Variants in GPR155 observed in about 807,000 individuals in gnomAD.
GPR155 encodes G protein-coupled receptor 155.
In GPR155, 65 loss-of-function variants were observed where a neutral mutation model predicts 93.1. The ratio of observed to expected loss-of-function variants is 0.70; its 90% CI spans 0.57 to 0.86. GPR155 has a LOEUF of 0.86. Among genes scored for constraint, GPR155 ranks in the 40% least tolerant of loss-of-function variants. GPR155 has a pLI of 0.00. For missense variants in GPR155, 838 were observed against 1,034.8 expected (o/e 0.81, Z 2.61); for synonymous variants, 319 against 360.1 (o/e 0.89, Z 1.29).
Position 174,461,649 on chromosome 2 carries a change from G to A in GPR155, c.1408C>T (p.Leu470Phe), listed in dbSNP as rs1559110322. 1.9e-6 allele frequency: 3 copies of A among 1,603,900 alleles called. No individual in the cohort carries two copies. The highest frequency in any genetic ancestry group is 2.6e-6 in the Non-Finnish European group (3 of 1,170,998). Residue 470 changes from leucine to phenylalanine, a missense_variant, in exon 8 of 16, where the codon CTT becomes TTT. This residue lies in a region of GPR155 where 663 missense variants were observed against 790.1 expected (regional missense o/e 0.84). Coordinates refer to ENST00000392552, the MANE Select transcript of GPR155 (RefSeq NM_152529.7). ...TGTACCCTCTCTCGCTTTTTCAAAA[G>A]AAACAAAGAAATTGCTAGAAGGCCT... ...WTGLLAISLF[L>F]LKKRERVQIP...
chr2:174,432,692 T>C lies in GPR155; in HGVS notation c.*3424A>G, dbSNP rs1678653524. 6.6e-6 allele frequency: 1 copy of C among 151,712 alleles called. No homozygotes were observed. Among genetic ancestry groups the C allele is most frequent in the East Asian group, 1.9e-4 (1 of 5,184 alleles). The allele number at this position is 151,712 out of a possible 1,614,324, so 9.4% of individuals were successfully genotyped here. ...CCATTCCCTAATCACAACTTAAAATTGGTATAGGTTAATAGTACACTAAAG... is the reference window on the plus strand; with the variant it reads ...CCATTCCCTAATCACAACTTAAAATCGGTATAGGTTAATAGTACACTAAAG... On this transcript the variant is annotated 3_prime_UTR_variant, in exon 16 of 16. Coordinates refer to ENST00000392552, the MANE Select transcript of GPR155 (RefSeq NM_152529.7).
At chr2:174,456,588 ACACTG>A (rs775528255) in intron 10 of GPR155, among the ~76,000 whole-genome samples, 1 of 152,152 alleles carries the variant, frequency 6.6e-6, no homozygotes, top group Non-Finnish European at 1.5e-5. Flanking sequence ...CAGGTGTGAA[ACACTG>A]CACTCAGCAA....
In GPR155 at chr2:174,446,699, T is replaced by A; in HGVS notation, c.1925A>T (p.Gln642Leu). ...RCNSQSCILAQEEEQYLQSGD... is the reference protein window; with the variant it reads ...RCNSQSCILALEEEQYLQSGD... ...ACTCTGTAGATACTGTTCTTCTTCCTGGGCTAATATGCAGCTCTGGGAGTT... is the reference window on the plus strand; with the variant it reads ...ACTCTGTAGATACTGTTCTTCTTCCAGGGCTAATATGCAGCTCTGGGAGTT... The change falls in exon 12 of 16, where the codon CAG becomes CTG. Residue 642 changes from glutamine (Q) to leucine (L), a missense_variant. Coordinates refer to ENST00000392552, the MANE Select transcript of GPR155 (RefSeq NM_152529.7). 1 of 1,613,690 alleles carries A rather than the reference T, an allele frequency of 6.2e-7. No homozygotes were observed. Among genetic ancestry groups the A allele is most frequent in the Non-Finnish European group, 8.5e-7 (1 of 1,179,546 alleles).
Position 174,431,744 on chromosome 2 carries a change from T to G in GPR155, c.*4372A>C, listed in dbSNP as rs958557156. On this transcript the variant is annotated 3_prime_UTR_variant, in exon 16 of 16. Transcript: ENST00000392552. ...TAATTTAATATTTTACATGATGAGA[T>G]ATGAAGGGGCAAACACTAAGAGCCG... is the stretch of plus-strand genomic sequence containing the variant. 2 of 152,212 alleles carry G rather than the reference T, an allele frequency of 1.3e-5. No individual in the cohort carries two copies. The highest frequency in any genetic ancestry group is 2.4e-5 in the African/African-American group (1 of 41,462). The allele number at this position is 152,212 out of a possible 1,614,324, so 9.4% of individuals were successfully genotyped here.
chr2:174,446,544 C>T, intron 12 of GPR155, 67 bp downstream of exon 12: 4 of 1,491,316 alleles, frequency 2.7e-6, no homozygotes, highest in Non-Finnish European at 3.7e-6. Context: ...TTCCCGGATG[C>T]CTGAATAAAA....
At chr2:174,479,241 C>T (rs1448243116) in intron 2 of GPR155, among the ~76,000 whole-genome samples, 1 of 152,124 alleles carries the variant, frequency 6.6e-6, no homozygotes, top group Non-Finnish European at 1.5e-5. Flanking sequence ...AAGTCTGCCT[C>T]AATATGACAA....
In GPR155 at chr2:174,431,920, G is replaced by C. The variant is rs1468103708; in HGVS notation, c.*4196C>G. The C allele has an allele frequency of 1.3e-5, 2 of 152,200 alleles. No individual in the cohort carries two copies. The highest frequency in any genetic ancestry group is 2.9e-5 in the Non-Finnish European group (2 of 68,028). The allele number at this position is 152,200 out of a possible 1,614,324, so 9.4% of individuals were successfully genotyped here. A position where few individuals can be genotyped will look rare whatever the true frequency, so the allele number is the denominator to read the frequency against. The stretch of plus-strand genomic sequence containing the variant: ...AAGCTAAGCACAAGCTAGGCATGGA[G>C]TTACTCATTGAGAGTTAAGAAAACA... On this transcript the variant is annotated 3_prime_UTR_variant, in exon 16 of 16. Transcript: ENST00000392552.
rs200302513 is a variant in GPR155 at position 174,461,636 on chromosome 2, C to T, written c.1421G>A (p.Arg474Gln). The stretch of plus-strand genomic sequence containing the variant: ...TCCAACAGGAATTTGTACCCTCTCT[C>T]GCTTTTTCAAAAGAAACAAAGAAAT... ...LAISLFLLKK[R>Q]ERVQIPVGII... Residue 474 changes from arginine (R) to glutamine (Q), a missense_variant, in exon 8 of 16, where the codon CGA becomes CAA. Physicochemically the swap from Arg to Gln is conservative, Grantham distance 43. Around this residue, in one of 3 missense-constraint regions of GPR155, gnomAD observed 663 missense variants for 790.1 expected, o/e 0.84. Transcript: ENST00000392552. The T allele has an allele frequency of 1.3e-4, 215 of 1,610,842 alleles. No homozygotes were observed. The highest frequency in any genetic ancestry group is 1.7e-4 in the Non-Finnish European group (196 of 1,177,266).
rs1051705598 is a variant in GPR155, at chr2:174,442,110, T to G, written c.2174+9A>C. The G allele has an allele frequency of 7.9e-7, 1 of 1,260,498 alleles. No individual in the cohort carries two copies. The highest frequency in any genetic ancestry group is 1.7e-5 in the Admixed American group (1 of 58,978). 78.1% of individuals were successfully genotyped at this position (1,260,498 alleles called of 1,614,324 possible). On this transcript the variant is annotated intron_variant, in intron 14 of 15. Transcript: ENST00000392552. ...TACAGATACAGATTTATTTCAAAAC[T>G]TAATTTACCTTCTTTTGAAAGGCAG... is the stretch of plus-strand genomic sequence containing the variant.
At chr2:174,463,756 G>C (rs1687765967) in intron 7 of GPR155, among the ~76,000 whole-genome samples, 1 of 152,152 alleles carries the variant, frequency 6.6e-6, no homozygotes, top group Admixed American at 6.6e-5. Flanking sequence ...AGAATTACTG[G>C]GTTTGTAGTT....
Position 174,433,054 on chromosome 2 carries a change from C to G in GPR155, c.*3062G>C, listed in dbSNP as rs988020070. 6.6e-6 allele frequency: 1 copy of G among 151,140 alleles called. No homozygotes were observed. Among genetic ancestry groups the G allele is most frequent in the Non-Finnish European group, 1.5e-5 (1 of 67,880 alleles). 9.4% of individuals were successfully genotyped at this position (151,140 alleles called of 1,614,324 possible). The stretch of plus-strand genomic sequence containing the variant: ...CTGGGATTGCAGGTATGAACCACCG[C>G]GCCTGGCCCCCATGCAGGTTTTTAA... On this transcript the variant is annotated 3_prime_UTR_variant, in exon 16 of 16. Transcript: ENST00000392552.
chr2:174,462,719 G>A (rs766866347), intron 7 of GPR155, among the ~76,000 whole-genome samples: 2 of 152,140 alleles, frequency 1.3e-5, no homozygotes, highest in Middle Eastern at 3.2e-3. Flanking sequence ...TTTAGAAAAC[G>A]CCCTAAGTGT....
intron 14 of GPR155, among the ~76,000 whole-genome samples, chr2:174,440,824 T>A (rs764001996): frequency 6.6e-6 from 1 of 152,198 alleles, no homozygotes; most frequent in Non-Finnish European, 1.5e-5. Flanking sequence ...AAGAAATCCC[T>A]GATCTTAATT....
At chr2:174,460,458 A>G (rs67579612) in intron 9 of GPR155, among the ~76,000 whole-genome samples, 58,335 of 151,714 alleles carry the variant, frequency 0.38, 11,565 homozygotes, top group Non-Finnish European at 0.45. Context: ...CACCGCACCC[A>G]GCCATCTTAG....
At chr2:174,484,819 G>T (rs1481025810) in intron 1 of GPR155, among the ~76,000 whole-genome samples, 1 of 152,160 alleles carries the variant, frequency 6.6e-6, no homozygotes, top group African/African-American at 2.4e-5. Flanking sequence ...AGCTACCTGG[G>T]AGGCTGAGGT....
intron 15 of GPR155, 38 bp from the exon 16 acceptor site, chr2:174,436,454 A>C: frequency 1.3e-6 from 2 of 1,596,140 alleles, no homozygotes; most frequent in Non-Finnish European, 1.7e-6. Flanking sequence ...TTTTCTGTAA[A>C]TCTGGTATCA....
At chr2:174,440,569 T>C (rs1264786073) in intron 14 of GPR155, among the ~76,000 whole-genome samples, 1 of 152,232 alleles carries the variant, frequency 6.6e-6, no homozygotes, top group Non-Finnish European at 1.5e-5. Flanking sequence ...TTTCCAATTA[T>C]GCTTTTCTTC....
chr2:174,474,810 T>C lies in GPR155; in HGVS notation c.461-1446A>G, dbSNP rs371302334. Reference sequence around the variant, plus strand: ...ACGTGAGGGTTGGTGACCTAGTCTTTAGTTTATTAGAGCAACTTAGGGCCT... The same window carrying C: ...ACGTGAGGGTTGGTGACCTAGTCTTCAGTTTATTAGAGCAACTTAGGGCCT... On this transcript the variant is annotated intron_variant, in intron 2 of 15. Transcript: ENST00000392552. Among the ~76,000 whole-genome samples, 10 of 152,282 alleles carry C rather than the reference T, an allele frequency of 6.6e-5. No homozygotes were observed. The East Asian group carries it at 1.9e-3, about 29-fold the overall frequency.
intron 10 of GPR155, among the ~76,000 whole-genome samples, chr2:174,455,834 C>T (rs1014471326): frequency 6.6e-5 from 10 of 152,132 alleles, no homozygotes; most frequent in Admixed American, 3.3e-4. Flanking sequence ...CAGAAAGAGA[C>T]GTAAATAATT....
Sources: allele counts gnomAD v4.1 joint callset (sites outside exome capture counted in the v4.1 genomes callset), GRCh38; gene constraint gnomAD v4.1.1; regional missense constraint gnomAD v4.1.1; transcripts MANE v1.5; gene names NCBI Gene and HGNC (gene_info 2026-07-23, HGNC 2026-07-21).